The following KALRN variants were observed in gnomAD, a reference collection of about 807,000 sequenced individuals.
The protein encoded by KALRN is kalirin.
A neutral mutation model predicts 353.7 loss-of-function variants in KALRN; 70 were observed. The observed-to-expected ratio is 0.20, with a 90% confidence interval of 0.16 to 0.24. The LOEUF is 0.24. Ranked by LOEUF, KALRN falls within the 10% of genes least tolerant of loss-of-function variation. KALRN has a pLI of 1.00. For synonymous variants in KALRN, 1,391 were observed against 1,434.8 expected, an observed-to-expected ratio of 0.97 and a Z score of 0.69; for missense variants, 2,791 against 3,756.7, an observed-to-expected ratio of 0.74 and a Z score of 6.72.
At chr3:124,657,882 A>AG in intron 41 of KALRN, 79 bp downstream of exon 41, 1 of 1,056,002 alleles carries the variant, frequency 9.5e-7, no homozygotes, top group Non-Finnish European at 1.5e-6. Context: ...GGCCAGGCAC[A>AG]GTGGCTCACA....
At chr3:124,645,106 T>C (rs2082539239) in intron 37 of KALRN, among the ~76,000 whole-genome samples, 2 of 152,236 alleles carry the variant, frequency 1.3e-5, no homozygotes, top group Admixed American at 6.5e-5. Flanking sequence ...CATGTGTCTG[T>C]TGGCTGCATA....
intron 32 of KALRN, among the ~76,000 whole-genome samples, chr3:124,494,955 C>G (rs1422045952): frequency 6.6e-6 from 1 of 152,234 alleles, no homozygotes; most frequent in African/African-American, 2.4e-5. Flanking sequence ...ATTCACCCAA[C>G]TCCAACTCCA....
Position 124,334,606 on chromosome 3 carries a change from T to A in KALRN, c.1647+111T>A. The A allele has an allele frequency of 2.8e-6, 2 of 711,486 alleles. No individual in the cohort carries two copies. Among genetic ancestry groups the A allele is most frequent in the Non-Finnish European group, 4.7e-6 (2 of 421,970 alleles). 44.1% of individuals were successfully genotyped at this position (711,486 alleles called of 1,614,324 possible). On this transcript the variant is annotated intron_variant, in intron 9 of 59. Coordinates refer to ENST00000682506, the MANE Select transcript of KALRN (RefSeq NM_001388419.1). This position sits in a 1 kb window ranked among gnomAD's most constrained non-coding sequence, Gnocchi z 4.2. ...GAGAGCCCAGATTTATAGAAGGACA[T>A]AATGAAATTCAGCTCTCAACTGCTC...
chr3:124,551,658 A>G (rs2070550006), intron 33 of KALRN, among the ~76,000 whole-genome samples: 1 of 152,230 alleles, frequency 6.6e-6, no homozygotes, highest in East Asian at 1.9e-4. Flanking sequence ...TAGCAAGTGG[A>G]GCAATGGACT....
intron 10 of KALRN, among the ~76,000 whole-genome samples, chr3:124,368,829 G>A (rs550205169): frequency 6.6e-6 from 1 of 152,324 alleles, no homozygotes; most frequent in African/African-American, 2.4e-5. Flanking sequence ...GGAGGCCGAG[G>A]CTGGCGGATC....
At chr3:124,589,906 A>G (rs1446169133) in intron 34 of KALRN, among the ~76,000 whole-genome samples, 1 of 152,182 alleles carries the variant, frequency 6.6e-6, no homozygotes, top group Non-Finnish European at 1.5e-5. Context: ...AGTTTGGTGA[A>G]TCTGAGGATG....
At chr3:124,702,155 C>T (rs751004269) in intron 57 of KALRN, 39 bp downstream of exon 57, 6 of 1,260,412 alleles carry the variant, frequency 4.8e-6, no homozygotes, top group Non-Finnish European at 7.0e-6. Context: ...TCATGAACAC[C>T]TAGCAACATC....
chr3:124,123,017 A>G (rs753826988), intron 1 of KALRN, among the ~76,000 whole-genome samples: 4 of 152,242 alleles, frequency 2.6e-5, no homozygotes, highest in East Asian at 1.9e-4. Context: ...CCTGACCAAC[A>G]TGATGAAACC....
At chr3:124,192,677 A>G (rs1005588694) in intron 1 of KALRN, among the ~76,000 whole-genome samples, 1 of 152,328 alleles carries the variant, frequency 6.6e-6, no homozygotes, top group South Asian at 2.1e-4. Context: ...AAAAATAAAA[A>G]TAAAAAAGGG....
intron 6 of KALRN, among the ~76,000 whole-genome samples, chr3:124,311,064 CTTTTTTTTTTTTTT>C (rs71145446): frequency 7.4e-5 from 5 of 67,498 alleles, no homozygotes; most frequent in African/African-American, 1.2e-4. Context: ...GATACTACTT[CTTTTTTTTTTTTTT>C]TTTTTTTTTT....
intron 1 of KALRN, among the ~76,000 whole-genome samples, chr3:124,171,048 C>T (rs1324009429): frequency 6.6e-6 from 1 of 151,702 alleles, no homozygotes; most frequent in African/African-American, 2.4e-5. Context: ...AACTCCTGGC[C>T]TCAAGTGATC....
intron 33 of KALRN, among the ~76,000 whole-genome samples, chr3:124,497,660 C>G (rs1365710587): frequency 6.6e-6 from 1 of 152,154 alleles, no homozygotes; most frequent in East Asian, 1.9e-4. Flanking sequence ...CTTGTGAAAA[C>G]ATACAATGAA....
intron 13 of KALRN, among the ~76,000 whole-genome samples, chr3:124,402,061 A>G (rs888878750): frequency 2.0e-5 from 3 of 152,170 alleles, no homozygotes; most frequent in Non-Finnish European, 4.4e-5. Context: ...CAAATTCCTC[A>G]GGATTACTGA....
At chr3:124,405,545 A>G (rs2091421203) in intron 13 of KALRN, among the ~76,000 whole-genome samples, 1 of 152,176 alleles carries the variant, frequency 6.6e-6, no homozygotes, top group Non-Finnish European at 1.5e-5. Context: ...AAATGATAAA[A>G]GGCAAAGGTA....
intron 34 of KALRN, among the ~76,000 whole-genome samples, chr3:124,581,318 G>A (rs1207400699): frequency 2.0e-5 from 3 of 151,758 alleles, no homozygotes; most frequent in Non-Finnish European, 4.4e-5. Flanking sequence ...GCTTGAACCC[G>A]GGAGGCAGAG....
chr3:124,673,001 A>G (rs1238823309), intron 48 of KALRN, among the ~76,000 whole-genome samples: 3 of 152,216 alleles, frequency 2.0e-5, no homozygotes, highest in Admixed American at 2.0e-4. Context: ...AACCACACTG[A>G]TTTGTTCCGT....
intron 28 of KALRN, among the ~76,000 whole-genome samples, chr3:124,487,705 AGTG>A: frequency 6.6e-6 from 1 of 152,314 alleles, no homozygotes; most frequent in Non-Finnish European, 1.5e-5. Flanking sequence ...AGTTGTTCCC[AGTG>A]GGATGGAAGT....
chr3:124,629,892 A>G (rs1388877704), intron 34 of KALRN, among the ~76,000 whole-genome samples: 1 of 152,126 alleles, frequency 6.6e-6, no homozygotes, highest in Non-Finnish European at 1.5e-5. Context: ...GAAAATAAAA[A>G]TCTGTCTTAT....
At chr3:124,523,578 C>T (rs1393863997) in intron 33 of KALRN, among the ~76,000 whole-genome samples, 2 of 152,302 alleles carry the variant, frequency 1.3e-5, no homozygotes, top group East Asian at 3.9e-4. Context: ...GCTTTCATTC[C>T]ATTAGTAGAG....
Sources: allele counts gnomAD v4.1 joint callset (sites outside exome capture counted in the v4.1 genomes callset), GRCh38; gene constraint gnomAD v4.1.1; non-coding constraint Gnocchi (gnomAD v3.1); transcripts MANE v1.5; gene names NCBI Gene and HGNC (gene_info 2026-07-23, HGNC 2026-07-21).